The following AVL9 variants were observed in gnomAD, a reference collection of about 807,000 sequenced individuals.
AVL9 encodes AVL9 cell migration associated, also known as late secretory pathway protein AVL9 homolog.
A neutral mutation model predicts 79.2 loss-of-function variants in AVL9; 49 were observed. That is an observed-to-expected ratio of 0.62 (90% confidence interval 0.49 to 0.79). The LOEUF (loss-of-function observed/expected upper bound fraction) is 0.79, where lower values mean the gene tolerates loss of function less well. Ranked by LOEUF, AVL9 falls within the 30% of genes least tolerant of loss-of-function variation. The pLI is 0.00. For synonymous variants in AVL9, 299 were observed against 280.6 expected (o/e 1.07, Z -0.65); for missense variants, 682 against 776.8 (o/e 0.88, Z 1.45).
intron 1 of AVL9, among the ~76,000 whole-genome samples, chr7:32,512,168 T>C (rs1198280382): frequency 6.6e-6 from 1 of 152,194 alleles, no homozygotes; most frequent in Non-Finnish European, 1.5e-5. Context: ...TAAATGGATC[T>C]GTAATTATTG....
chr7:32,495,872 C>A (rs144462698), intron 1 of AVL9, 70 bp downstream of exon 1: 6 of 1,006,208 alleles, frequency 6.0e-6, no homozygotes, highest in Middle Eastern at 5.4e-4. Context: ...CCCTGCCCTG[C>A]TTCTGTGTGC....
Position 32,552,258 on chromosome 7 carries a change from G to T in AVL9, c.492G>T (p.Leu164Phe). Reference sequence around the variant, plus strand: ...TTTATGAACATATGAATAGTTCCTTGGGAGGTGCTTCATTAGAAGGATCCC... The same window carrying T: ...TTTATGAACATATGAATAGTTCCTTTGGAGGTGCTTCATTAGAAGGATCCC... ...KELYEHMNSS[L>F]GGASLEGSQV... Residue 164 changes from leucine (L) to phenylalanine (F), a missense_variant, in exon 6 of 16, where the codon TTG (leucine) becomes TTT (phenylalanine). Leu to Phe is a conservative substitution (Grantham distance 22). Coordinates refer to ENST00000318709, the MANE Select transcript of AVL9 (RefSeq NM_015060.3). The T allele has an allele frequency of 6.2e-7, 1 of 1,603,692 alleles. No individual in the cohort carries two copies. Among genetic ancestry groups the T allele is most frequent in the South Asian group, 1.1e-5 (1 of 90,618 alleles).
chr7:32,532,723 A>G (rs1788719347), intron 1 of AVL9: 1 of 152,228 alleles, frequency 6.6e-6, no homozygotes, highest in Admixed American at 6.5e-5. Context: ...TTAAACTAAG[A>G]TACTTATTTC....
intron 1 of AVL9, among the ~76,000 whole-genome samples, chr7:32,529,691 T>C (rs116907937): frequency 7.2e-5 from 11 of 152,386 alleles, no homozygotes; most frequent in Non-Finnish European, 1.5e-4. Context: ...CATCTTCATA[T>C]ATTTTTAAGC....
At chr7:32,545,271 CTT>C (rs1006863828) in intron 3 of AVL9, among the ~76,000 whole-genome samples, 1 of 133,278 alleles carries the variant, frequency 7.5e-6, no homozygotes, top group Admixed American at 7.9e-5. Context: ...CTGTGCCTTG[CTT>C]TTTTTTTTTA....
intron 11 of AVL9, among the ~76,000 whole-genome samples, chr7:32,571,399 G>A (rs1161032663): frequency 1.3e-5 from 2 of 150,414 alleles, no homozygotes; most frequent in African/African-American, 4.9e-5. Flanking sequence ...ATGGTGGCAG[G>A]TGCCTGTAAT....
chr7:32,566,649 C>A (rs572567253), intron 10 of AVL9, among the ~76,000 whole-genome samples: 2 of 151,936 alleles, frequency 1.3e-5, no homozygotes, highest in Non-Finnish European at 2.9e-5. Flanking sequence ...GAGACCGAGG[C>A]GGGCAGATCA....
chr7:32,520,247 C>G (rs528346555), intron 1 of AVL9, among the ~76,000 whole-genome samples: 12 of 152,212 alleles, frequency 7.9e-5, no homozygotes, highest in African/African-American at 2.6e-4. Context: ...CTATTAAAAG[C>G]GAAGAGTATG....
chr7:32,587,728 C>T lies in AVL9; in HGVS notation c.*3821C>T, dbSNP rs1583625452. 1 of 152,146 alleles carries T rather than the reference C, an allele frequency of 6.6e-6. No homozygotes were observed. Among genetic ancestry groups the T allele is most frequent in the African/African-American group, 2.4e-5 (1 of 41,442 alleles). The allele number at this position is 152,146 out of a possible 1,614,324, so 9.4% of individuals were successfully genotyped here. On this transcript the variant is annotated 3_prime_UTR_variant, in exon 16 of 16. Transcript: ENST00000318709. The stretch of plus-strand genomic sequence containing the variant: ...GGTAGAAGATGCTGCCCTAATTCCC[C>T]GAGGATGATTGTCATTCCATGCAGC...
intron 3 of AVL9, 100 bp from the exon 4 acceptor site, chr7:32,548,747 A>G: frequency 1.2e-6 from 1 of 801,876 alleles, no homozygotes; most frequent in South Asian, 2.1e-5. Flanking sequence ...AACTGAATGT[A>G]AGAAATTTCT....
intron 1 of AVL9, among the ~76,000 whole-genome samples, chr7:32,515,965 C>T (rs558772108): frequency 1.2e-3 from 186 of 152,264 alleles, no homozygotes; most frequent in Non-Finnish European, 1.9e-3. Context: ...CTACCCTATT[C>T]CTCCTTCCCC....
chr7:32,535,189 G>A (rs1274435047), intron 1 of AVL9: 1 of 152,086 alleles, frequency 6.6e-6, no homozygotes, highest in East Asian at 1.9e-4. Context: ...CATATTTTGG[G>A]GTGTCATGTC....
Position 32,552,238 on chromosome 7 carries a change from G to T in AVL9, c.472G>T (p.Glu158Ter). Residue 158 changes from glutamate to a stop codon, truncating the protein, a stop_gained, in exon 6 of 16, where the codon GAA (glutamate) becomes TAA (stop). Coordinates refer to ENST00000318709, the MANE Select transcript of AVL9 (RefSeq NM_015060.3). LOFTEE classifies it high-confidence loss of function. Reference protein sequence around the residue: ...SQISILKELYEHMNSSLGGAS... With the variant: ...SQISILKELY ...AATCTATATTTTATAGGAGCTTTAT[G>T]AACATATGAATAGTTCCTTGGGAGG... 6.3e-7 allele frequency: 1 copy of T among 1,587,832 alleles called. No individual in the cohort carries two copies. Among genetic ancestry groups the T allele is most frequent in the South Asian group, 1.1e-5 (1 of 90,064 alleles).
At chr7:32,515,738 A>G (rs756632963) in intron 1 of AVL9, among the ~76,000 whole-genome samples, 13 of 152,122 alleles carry the variant, frequency 8.5e-5, no homozygotes, top group Non-Finnish European at 1.8e-4. Context: ...CTCAGTAATC[A>G]TATTGTTGGG....
At position 32,543,274 on chromosome 7, in the gene AVL9, A is replaced by T. The variant is rs1193034714; in HGVS notation, c.214+13A>T. On this transcript the variant is annotated intron_variant, in intron 2 of 15. Coordinates refer to ENST00000318709, the MANE Select transcript of AVL9 (RefSeq NM_015060.3). The stretch of plus-strand genomic sequence containing the variant: ...AACTACCAGGAAGGTATGTAACAAG[A>T]CAGTGAAGCAGTTAGGTGCCATTTT... The T allele has an allele frequency of 1.9e-6, 3 of 1,610,118 alleles. No individual in the cohort carries two copies. In the Admixed American group the frequency reaches 5.1e-5, roughly 27 times the overall value.
chr7:32,556,806 C>T (rs1001735678), intron 8 of AVL9, among the ~76,000 whole-genome samples: 1 of 151,972 alleles, frequency 6.6e-6, no homozygotes, highest in Non-Finnish European at 1.5e-5. Flanking sequence ...AGCTCTGTTG[C>T]CCAGGCTAGA....
intron 12 of AVL9, among the ~76,000 whole-genome samples, chr7:32,574,560 T>C (rs1790998575): frequency 6.6e-6 from 1 of 152,216 alleles, no homozygotes; most frequent in African/African-American, 2.4e-5. Flanking sequence ...CTGTAAGCAC[T>C]GAATAATAGT....
intron 1 of AVL9, among the ~76,000 whole-genome samples, chr7:32,516,534 T>C (rs960036264): frequency 1.3e-5 from 2 of 151,702 alleles, no homozygotes; most frequent in African/African-American, 2.4e-5. Context: ...TAAGTGGGAG[T>C]GTCTAGTGGG....
chr7:32,518,247 A>G (rs930481716), intron 1 of AVL9, among the ~76,000 whole-genome samples: 92 of 152,366 alleles, frequency 6.0e-4, no homozygotes, highest in Non-Finnish European at 1.2e-3. Context: ...ACTTAGGTAA[A>G]CACCTGAAAT....
Sources: allele counts gnomAD v4.1 joint callset (sites outside exome capture counted in the v4.1 genomes callset), GRCh38; gene constraint gnomAD v4.1.1; transcripts MANE v1.5; gene names NCBI Gene and HGNC (gene_info 2026-07-23, HGNC 2026-07-21).